The following NRROS variants were observed in gnomAD, a reference collection of about 807,000 sequenced individuals.
The protein encoded by NRROS is negative regulator of reactive oxygen species, also known as transforming growth factor beta activator LRRC33.
A neutral mutation model predicts 12.0 loss-of-function variants in NRROS; 6 were observed. That is an observed-to-expected ratio of 0.50 (90% CI 0.27 to 0.98). The LOEUF (loss-of-function observed/expected upper bound fraction) is 0.98, where lower values mean the gene tolerates loss of function less well. NRROS is among the 50% of genes least tolerant of loss of function. NRROS has a pLI of 0.11. For synonymous variants in NRROS, 462 were observed against 410.2 expected (o/e 1.13, Z -1.53); for missense variants, 857 against 888.2 (o/e 0.96, Z 0.45).
Position 196,660,892 on chromosome 3 carries a change from G to GT in NRROS, c.1250dup (p.Gly420TrpfsTer7). On this transcript the variant is annotated frameshift_variant, in exon 3 of 3. Coordinates refer to ENST00000328557, the MANE Select transcript of NRROS (RefSeq NM_198565.3). LOFTEE classifies it low-confidence loss of function (END_TRUNC). The surrounding 1 kb of genome is among the most constrained non-coding windows in gnomAD (Gnocchi z 7.7). ...CCTGAGCTCCAACCAGCTCCTGGGC[G>GT]TCCCCCCTGGCCTCTTCGCCAATGC... 1 of 1,614,096 alleles carries GT rather than the reference G, an allele frequency of 6.2e-7. No homozygotes were observed. The highest frequency in any genetic ancestry group is 8.5e-7 in the Non-Finnish European group (1 of 1,180,038).
intron 2 of NRROS, among the ~76,000 whole-genome samples, chr3:196,657,568 G>A (rs1458596392): frequency 6.6e-6 from 1 of 151,994 alleles, no homozygotes; most frequent in Non-Finnish European, 1.5e-5. Context: ...TTAGCCCGGT[G>A]TGGTGGTGTG....
chr3:196,645,080 T>TA (rs1339321472), intron 1 of NRROS, among the ~76,000 whole-genome samples: 1 of 152,170 alleles, frequency 6.6e-6, no homozygotes, highest in African/African-American at 2.4e-5. Flanking sequence ...GTCATGATCA[T>TA]AAAAATCAAA....
At chr3:196,644,491 G>A (rs964675468) in intron 1 of NRROS, among the ~76,000 whole-genome samples, 6 of 151,922 alleles carry the variant, frequency 3.9e-5, no homozygotes, top group African/African-American at 4.8e-5. Flanking sequence ...TGAAATGCAC[G>A]ATCAGGCTGG....
intron 1 of NRROS, among the ~76,000 whole-genome samples, chr3:196,643,683 G>A (rs1039487595): frequency 3.9e-5 from 6 of 152,214 alleles, no homozygotes; most frequent in African/African-American, 4.8e-5. Flanking sequence ...GGTACACATC[G>A]TGTTCTCCTA....
rs1560056956 is a variant in NRROS, at chr3:196,661,053, G to A, written c.1410G>A (p.Glu470=). ...CATCTTTAAGGAGCCTGTCTCTGGAGGGCTGTGGCCTGGGGGCATTGCCAG... is the reference window on the plus strand; with the variant it reads ...CATCTTTAAGGAGCCTGTCTCTGGAAGGCTGTGGCCTGGGGGCATTGCCAG... ...NMASLRSLSL[E]GCGLGALPDC... Residue 470 remains glutamate (E), a synonymous_variant, in exon 3 of 3, where the codon GAG becomes GAA. Coordinates refer to ENST00000328557, the MANE Select transcript of NRROS (RefSeq NM_198565.3). The A allele has an allele frequency of 6.2e-7, 1 of 1,614,184 alleles. No homozygotes were observed. The highest frequency in any genetic ancestry group is 2.2e-5 in the East Asian group (1 of 44,876).
intron 1 of NRROS, among the ~76,000 whole-genome samples, chr3:196,653,907 A>G (rs1040874332): frequency 6.6e-6 from 1 of 152,126 alleles, no homozygotes; most frequent in Non-Finnish European, 1.5e-5. Flanking sequence ...TATTCTACCC[A>G]AAGATTGCTT....
At chr3:196,652,443 G>A (rs558858772) in intron 1 of NRROS, among the ~76,000 whole-genome samples, 96 of 152,236 alleles carry the variant, frequency 6.3e-4, no homozygotes, top group African/African-American at 2.2e-3. Flanking sequence ...TTTTGTAGAC[G>A]GATTCTCTGA....
chr3:196,655,948 A>G (rs1737530561), intron 2 of NRROS, among the ~76,000 whole-genome samples: 1 of 152,224 alleles, frequency 6.6e-6, no homozygotes, highest in Non-Finnish European at 1.5e-5. Context: ...CGAGGCGGGC[A>G]GATCACAAGG....
At chr3:196,646,806 G>A (rs1169438374) in intron 1 of NRROS, among the ~76,000 whole-genome samples, 2 of 152,204 alleles carry the variant, frequency 1.3e-5, no homozygotes, top group African/African-American at 2.4e-5. Context: ...CCAGAGAACC[G>A]GAGAACCGGG....
chr3:196,660,701 C>G lies in NRROS; in HGVS notation c.1058C>G (p.Ser353Cys). ...LPDGFLRKMPSLSHLNLHQNC... is the reference protein window; with the variant it reads ...LPDGFLRKMPCLSHLNLHQNC... ...GACGGCTTCCTGAGGAAAATGCCTT[C>G]CCTCTCCCACCTGAACCTCCACCAG... The change falls in exon 3 of 3, where the codon TCC becomes TGC. Residue 353 changes from serine (S) to cysteine (C), a missense_variant. Ser to Cys is a moderately radical substitution (Grantham distance 112, BLOSUM62 -1). Coordinates refer to ENST00000328557, the MANE Select transcript of NRROS (RefSeq NM_198565.3). This position sits in a 1 kb window ranked among gnomAD's most constrained non-coding sequence, Gnocchi z 7.7. The G allele has an allele frequency of 6.2e-7, 1 of 1,614,172 alleles. No homozygotes were observed. The highest frequency in any genetic ancestry group is 8.5e-7 in the Non-Finnish European group (1 of 1,180,012).
In NRROS at chr3:196,660,535, G is replaced by T; in HGVS notation, c.892G>T (p.Glu298Ter). The change falls in exon 3 of 3, where the codon GAG (glutamate) becomes TAG (stop). Residue 298 changes from glutamate to a stop codon, truncating the protein, a stop_gained. Transcript: ENST00000328557. LOFTEE classifies it low-confidence loss of function (END_TRUNC). This position sits in a 1 kb window ranked among gnomAD's most constrained non-coding sequence, Gnocchi z 7.7. The part of the protein sequence containing the change: ...RDLYNTSSPR[E>*]MVAQFLLVDG... The stretch of plus-strand genomic sequence containing the variant: ...CCTGTACAACACCTCGTCGCCGAGG[G>T]AGATGGTGGCCCAGTTCCTCCTCGT... 6.2e-7 allele frequency: 1 copy of T among 1,614,108 alleles called. No homozygotes were observed. Among genetic ancestry groups the T allele is most frequent in the Non-Finnish European group, 8.5e-7 (1 of 1,180,038 alleles).
In NRROS at chr3:196,650,465, A is replaced by T. The variant is rs369384264; in HGVS notation, c.-13-4062A>T. 3.7e-4 allele frequency among the ~76,000 whole-genome samples: 56 copies of T among 151,998 alleles called. 1 individual carries two copies. The East Asian group carries it at 6.6e-3, about 18-fold the overall frequency. On this transcript the variant is annotated intron_variant, in intron 1 of 2. Coordinates refer to ENST00000328557, the MANE Select transcript of NRROS (RefSeq NM_198565.3). ...GGCCATTTTTGTATTTTTTTTAGAG[A>T]GGCAGGGTTTTGCCACCTTGCTCAG...
chr3:196,647,086 C>T (rs1737327896), intron 1 of NRROS, among the ~76,000 whole-genome samples: 1 of 152,150 alleles, frequency 6.6e-6, no homozygotes, highest in Non-Finnish European at 1.5e-5. Context: ...CTTATTTAGC[C>T]AGTGCTTCCA....
intron 1 of NRROS, among the ~76,000 whole-genome samples, chr3:196,647,357 A>G (rs909645885): frequency 6.6e-6 from 1 of 152,220 alleles, no homozygotes; most frequent in African/African-American, 2.4e-5. Context: ...AAACAATTGT[A>G]TTGTCTATAT....
Position 196,654,865 on chromosome 3 carries a change from C to T in NRROS, c.108+218C>T, listed in dbSNP as rs1269963538. On this transcript the variant is annotated intron_variant, in intron 2 of 2. Coordinates refer to ENST00000328557, the MANE Select transcript of NRROS (RefSeq NM_198565.3). This position sits in a 1 kb window ranked among gnomAD's most constrained non-coding sequence, Gnocchi z 4.4. ...GCCAGGCAGTCCCTGCCCCGCCGTT[C>T]TCACGCCTGCTGAGGATAGGAGGCA... The T allele has an allele frequency of 1.3e-5, 7 of 534,354 alleles. No homozygotes were observed. The African/African-American group carries it at 1.4e-4, about 10-fold the overall frequency. 33.1% of individuals were successfully genotyped at this position (534,354 alleles called of 1,614,324 possible).
chr3:196,642,639 T>C (rs577112692), intron 1 of NRROS, among the ~76,000 whole-genome samples: 1 of 152,298 alleles, frequency 6.6e-6, no homozygotes, highest in Admixed American at 6.5e-5. Flanking sequence ...GGCCCAGCCT[T>C]ACTCATAGGC....
At chr3:196,656,126 C>T (rs1048898484) in intron 2 of NRROS, among the ~76,000 whole-genome samples, 1 of 151,968 alleles carries the variant, frequency 6.6e-6, no homozygotes, top group African/African-American at 2.4e-5. Context: ...GACATCGTGC[C>T]ACTGCACTCC....
At chr3:196,659,616 T>A in intron 2 of NRROS, 136 bp from the exon 3 acceptor site, 1 of 915,678 alleles carries the variant, frequency 1.1e-6, no homozygotes, top group East Asian at 2.7e-5. Flanking sequence ...GCCTTGTCTA[T>A]CCTATTTTTA....
At chr3:196,656,279 A>G (rs1362708877) in intron 2 of NRROS, among the ~76,000 whole-genome samples, 1 of 152,270 alleles carries the variant, frequency 6.6e-6, no homozygotes, top group Non-Finnish European at 1.5e-5. Context: ...ACATTCAAGT[A>G]TGTATTCTTA....
Sources: gnomAD v4.1 joint callset for allele counts (sites outside exome capture counted in the v4.1 genomes callset) on GRCh38, gnomAD v4.1.1 for gene constraint, Gnocchi (gnomAD v3.1) non-coding constraint, MANE v1.5 for transcripts, NCBI Gene and HGNC (gene_info 2026-07-23, HGNC 2026-07-21) for gene names.